The following USP25 variants were observed in gnomAD, a reference collection of about 807,000 sequenced individuals.
USP25 encodes ubiquitin carboxyl-terminal hydrolase 25.
USP25 carries 85 observed loss-of-function variants against 158.5 expected under a neutral mutation model. The observed-to-expected ratio is 0.54, with a 90% CI of 0.45 to 0.64. The LOEUF (loss-of-function observed/expected upper bound fraction) is 0.64. Ranked by LOEUF, USP25 falls within the 30% of genes least tolerant of loss-of-function variation. The pLI is 0.00. For synonymous variants in USP25, 464 were observed against 460.4 expected, an observed-to-expected ratio of 1.01 and a Z score of -0.10; for missense variants, 1,242 against 1,327.3, an observed-to-expected ratio of 0.94 and a Z score of 1.00.
chr21:15,817,334 A>G (rs2036993662), intron 9 of USP25, among the ~76,000 whole-genome samples: 3 of 152,004 alleles, frequency 2.0e-5, no homozygotes, highest in African/African-American at 4.8e-5. Context: ...ATGTAATTTT[A>G]TCTCTTTTCT....
At chr21:15,780,022 G>A (rs556774783) in intron 4 of USP25, among the ~76,000 whole-genome samples, 12 of 152,090 alleles carry the variant, frequency 7.9e-5, no homozygotes, top group African/African-American at 2.9e-4. Context: ...GCTCATATGG[G>A]TTTATTAAGG....
intron 5 of USP25, among the ~76,000 whole-genome samples, chr21:15,794,810 T>C (rs958484189): frequency 6.6e-6 from 1 of 151,434 alleles, no homozygotes; most frequent in African/African-American, 2.4e-5. Context: ...GTACTCTATA[T>C]TATATATATA....
chr21:15,799,939 G>A, intron 6 of USP25, 96 bp downstream of exon 6: 1 of 632,616 alleles, frequency 1.6e-6, no homozygotes, highest in Non-Finnish European at 2.5e-6. Context: ...CATCAAATCT[G>A]AAACTGTCAA....
At chr21:15,858,010 T>C (rs907553841) in intron 20 of USP25, among the ~76,000 whole-genome samples, 1 of 152,092 alleles carries the variant, frequency 6.6e-6, no homozygotes, top group Admixed American at 6.5e-5. Flanking sequence ...TCCCTACTTA[T>C]AAGTAGCTCT....
chr21:15,822,244 A>G (rs2146343245), intron 10 of USP25, among the ~76,000 whole-genome samples: 1 of 152,134 alleles, frequency 6.6e-6, no homozygotes, highest in South Asian at 2.1e-4. Context: ...ATTTTAAAAC[A>G]TGAATTTACA....
chr21:15,764,230 G>A (rs1413142055), intron 2 of USP25, among the ~76,000 whole-genome samples: 1 of 150,942 alleles, frequency 6.6e-6, no homozygotes, highest in Admixed American at 6.6e-5. Context: ...TTCCATGTTT[G>A]TTTTCAGAAA....
rs2038020939 is a variant in USP25 at position 15,835,483 on chromosome 21, C to T, written c.2194+1935C>T. ...AAAGACCATGTGTGCATAACTGCATCCATTTTCATGATCAATACATCTGAC... is the reference window on the plus strand; with the variant it reads ...AAAGACCATGTGTGCATAACTGCATTCATTTTCATGATCAATACATCTGAC... On this transcript the variant is annotated intron_variant, in intron 17 of 25. Coordinates refer to ENST00000400183, the MANE Select transcript of USP25 (RefSeq NM_001283041.3). Among the ~76,000 whole-genome samples, 8 of 152,132 alleles carry T rather than the reference C, an allele frequency of 5.3e-5. No individual in the cohort carries two copies. The South Asian group carries it at 1.7e-3, about 32-fold the overall frequency.
intron 1 of USP25, among the ~76,000 whole-genome samples, chr21:15,747,465 A>G (rs1210675848): frequency 2.6e-5 from 4 of 151,950 alleles, no homozygotes; most frequent in South Asian, 2.1e-4. Flanking sequence ...TAGGCACTAT[A>G]TAACTATATA....
intron 18 of USP25, among the ~76,000 whole-genome samples, chr21:15,846,636 A>T (rs1378317113): frequency 6.6e-6 from 1 of 152,164 alleles, no homozygotes; most frequent in Non-Finnish European, 1.5e-5. Flanking sequence ...AATTGCTGTT[A>T]TAAAAATGTT....
chr21:15,769,963 G>A (rs1055393249), intron 3 of USP25, among the ~76,000 whole-genome samples: 1 of 151,748 alleles, frequency 6.6e-6, no homozygotes, highest in African/African-American at 2.4e-5. Flanking sequence ...AAATTTATAA[G>A]CCGTTTTTTT....
rs1600925269 is a variant in USP25, at chr21:15,791,486, TCCACCA to T, written c.393-15_393-10del. 2.5e-6 allele frequency: 4 copies of T among 1,590,584 alleles called. No homozygotes were observed. The highest frequency in any genetic ancestry group is 2.7e-5 in the African/African-American group (2 of 73,686). On this transcript the variant is annotated splice_polypyrimidine_tract_variant and intron_variant, in intron 4 of 25. Coordinates refer to ENST00000400183, the MANE Select transcript of USP25 (RefSeq NM_001283041.3). ...ACCATTATATAATGCTGCATTTTTT[TCCACCA>T]TTGATTAAGAGTTCTTGAAGCCAGC... is the stretch of plus-strand genomic sequence containing the variant.
intron 3 of USP25, among the ~76,000 whole-genome samples, chr21:15,772,523 T>A (rs58134477): frequency 0.038 from 5,799 of 152,268 alleles, 164 homozygotes; most frequent in Middle Eastern, 0.14. Flanking sequence ...TTGACACAGA[T>A]ATGAGAATAT....
intron 4 of USP25, among the ~76,000 whole-genome samples, chr21:15,782,644 G>T (rs1289980791): frequency 6.6e-6 from 1 of 152,134 alleles, no homozygotes; most frequent in Non-Finnish European, 1.5e-5. Flanking sequence ...CGCAGGTGAG[G>T]ATTCCAGCTG....
chr21:15,825,121 G>C, intron 12 of USP25, 60 bp downstream of exon 12: 2 of 1,278,022 alleles, frequency 1.6e-6, no homozygotes, highest in Non-Finnish European at 2.2e-6. Context: ...TTGGTGACTA[G>C]ATTTTTAATT....
At chr21:15,793,037 G>A (rs928014970) in intron 5 of USP25, among the ~76,000 whole-genome samples, 3 of 151,498 alleles carry the variant, frequency 2.0e-5, no homozygotes, top group African/African-American at 4.8e-5. Context: ...TATTAAGAAG[G>A]TTTGTGCATA....
At chr21:15,740,185 A>G (rs1444484008) in intron 1 of USP25, among the ~76,000 whole-genome samples, 2 of 152,198 alleles carry the variant, frequency 1.3e-5, no homozygotes, top group Non-Finnish European at 2.9e-5. Flanking sequence ...GTATTGTTTC[A>G]AGATGTTGAG....
chr21:15,859,959 A>T (rs184471033), intron 20 of USP25, among the ~76,000 whole-genome samples: 38 of 143,120 alleles, frequency 2.7e-4, no homozygotes, highest in African/African-American at 9.4e-4. Flanking sequence ...TTTAAATTGG[A>T]TATATATATG....
intron 15 of USP25, 122 bp from the exon 16 acceptor site, chr21:15,831,278 TC>T: frequency 1.2e-6 from 1 of 827,796 alleles, no homozygotes; most frequent in Non-Finnish European, 1.9e-6. Flanking sequence ...GCCAGTTCTC[TC>T]TCATTTAAAA....
chr21:15,752,359 G>T (rs2033084938), intron 1 of USP25, among the ~76,000 whole-genome samples: 1 of 152,110 alleles, frequency 6.6e-6, no homozygotes. Flanking sequence ...GGGACTACAG[G>T]CGCCTGCCAC....
Sources: gnomAD v4.1 joint callset for allele counts (sites outside exome capture counted in the v4.1 genomes callset) on GRCh38, gnomAD v4.1.1 for gene constraint, MANE v1.5 for transcripts, NCBI Gene and HGNC (gene_info 2026-07-23, HGNC 2026-07-21) for gene names.